PACRG: variants seen among roughly 807,000 people sequenced by gnomAD.
PACRG encodes parkin coregulated gene protein.
Under a neutral mutation model 29.7 loss-of-function variants are expected in PACRG, and 29 were observed. That is an observed-to-expected ratio of 0.98 (90% confidence interval 0.73 to 1.33). The LOEUF is 1.33. Ranked by LOEUF, PACRG falls within the 40% of genes most tolerant of loss-of-function variation. PACRG has a pLI of 0.00. For missense variants in PACRG, 279 were observed against 316.2 expected (o/e 0.88, Z 0.89); for synonymous variants, 116 against 118.7 (o/e 0.98, Z 0.15).
intron 3 of PACRG, among the ~76,000 whole-genome samples, chr6:163,069,012 A>G (rs1811805063): frequency 6.6e-6 from 1 of 152,118 alleles, no homozygotes; most frequent in Admixed American, 6.5e-5. Context: ...AACAGGTAAT[A>G]TACTGGCTAA....
At chr6:162,815,074 T>G (rs1207558323) in intron 2 of PACRG, among the ~76,000 whole-genome samples, 1 of 152,156 alleles carries the variant, frequency 6.6e-6, no homozygotes, top group Non-Finnish European at 1.5e-5. Flanking sequence ...ATCAAAGACT[T>G]TGCTTTTGGT....
intron 4 of PACRG, among the ~76,000 whole-genome samples, chr6:163,282,460 C>T (rs1051321498): frequency 6.6e-6 from 1 of 152,154 alleles, no homozygotes; most frequent in Non-Finnish European, 1.5e-5. Context: ...CCTGTAATCC[C>T]AGTACTTTGG....
chr6:163,203,617 G>C (rs1025695517), intron 4 of PACRG, among the ~76,000 whole-genome samples: 1 of 152,196 alleles, frequency 6.6e-6, no homozygotes, highest in Non-Finnish European at 1.5e-5. Context: ...CGCTGGCAGG[G>C]CCCTGAAGGA....
intron 2 of PACRG, chr6:163,052,095 GA>G (rs775403106): frequency 1.3e-5 from 2 of 152,050 alleles, no homozygotes; most frequent in African/African-American, 4.8e-5. Flanking sequence ...ACACGTATTT[GA>G]AAAATAATAG....
At chr6:162,873,845 C>T (rs1793033405) in intron 2 of PACRG, among the ~76,000 whole-genome samples, 1 of 152,082 alleles carries the variant, frequency 6.6e-6, no homozygotes. Context: ...ATAAGATTAG[C>T]CAGTACATTT....
chr6:163,169,544 G>T (rs1338398818), intron 4 of PACRG, among the ~76,000 whole-genome samples: 1 of 152,220 alleles, frequency 6.6e-6, no homozygotes, highest in Non-Finnish European at 1.5e-5. Context: ...GTTGTTGCGG[G>T]TGTGGAACTG....
intron 1 of PACRG, among the ~76,000 whole-genome samples, chr6:162,781,344 C>A (rs1784078410): frequency 6.6e-6 from 1 of 151,828 alleles, no homozygotes; most frequent in Non-Finnish European, 1.5e-5. Flanking sequence ...AAAACAAATT[C>A]TCACCAGCAG....
At chr6:163,233,227 T>A (rs6455879) in intron 4 of PACRG, among the ~76,000 whole-genome samples, 2 of 152,092 alleles carry the variant, frequency 1.3e-5, no homozygotes, top group Non-Finnish European at 2.9e-5. Flanking sequence ...TACATCTCTG[T>A]TAGGAGATTT....
At chr6:163,102,556 A>C (rs563970953) in intron 4 of PACRG, among the ~76,000 whole-genome samples, 1 of 152,150 alleles carries the variant, frequency 6.6e-6, no homozygotes, top group South Asian at 2.1e-4. Flanking sequence ...TGAAATTTCT[A>C]AGAGTATTTT....
At chr6:162,841,537 A>G (rs1789769083) in intron 2 of PACRG, among the ~76,000 whole-genome samples, 1 of 152,042 alleles carries the variant, frequency 6.6e-6, no homozygotes, top group East Asian at 1.9e-4. Flanking sequence ...TGAACCTTTC[A>G]AAAAACCAGC....
chr6:163,062,061 T>C, intron 2 of PACRG, 89 bp from the exon 3 acceptor site: 2 of 1,386,914 alleles, frequency 1.4e-6, no homozygotes, highest in South Asian at 2.7e-5. Flanking sequence ...AGCGTGCCCC[T>C]CTGGAGTGGG....
intron 2 of PACRG, among the ~76,000 whole-genome samples, chr6:163,031,896 T>C (rs1175992787): frequency 2.6e-5 from 4 of 152,164 alleles, no homozygotes; most frequent in African/African-American, 4.8e-5. Flanking sequence ...TGAGGCCAGT[T>C]TTCCAAACAG....
At chr6:163,179,187 G>C (rs1465496038) in intron 4 of PACRG, 1 of 455,950 alleles carries the variant, frequency 2.2e-6, no homozygotes, top group East Asian at 7.0e-5. Flanking sequence ...GATGTCCGCT[G>C]CTCCTCACAT....
chr6:163,048,242 C>T (rs1585087566), intron 2 of PACRG, among the ~76,000 whole-genome samples: 1 of 152,154 alleles, frequency 6.6e-6, no homozygotes, highest in African/African-American at 2.4e-5. Context: ...TAACTTTCTT[C>T]TTATCTCCTT....
intron 2 of PACRG, among the ~76,000 whole-genome samples, chr6:162,817,282 C>G (rs1335234826): frequency 2.0e-5 from 3 of 152,148 alleles, no homozygotes; most frequent in African/African-American, 4.8e-5. Flanking sequence ...GGTTAGGAAC[C>G]ATTGTGTGTT....
chr6:162,844,065 T>C (rs1412501392), intron 2 of PACRG, among the ~76,000 whole-genome samples: 1 of 140,846 alleles, frequency 7.1e-6, no homozygotes, highest in African/African-American at 2.7e-5. Context: ...GTCTGTGCCC[T>C]GCCCCCAGAG....
At chr6:162,774,984 C>T (rs893328705) in intron 1 of PACRG, among the ~76,000 whole-genome samples, 3 of 152,140 alleles carry the variant, frequency 2.0e-5, no homozygotes, top group African/African-American at 7.2e-5. Context: ...CAACGATGGC[C>T]TCAGTGTTTA....
chr6:162,949,125 A>T (rs1217005597), intron 2 of PACRG, among the ~76,000 whole-genome samples: 1 of 152,188 alleles, frequency 6.6e-6, no homozygotes, highest in Non-Finnish European at 1.5e-5. Flanking sequence ...AATGCATTTT[A>T]AAAATGTAGT....
At chr6:162,760,070 A>G (rs1782225920) in intron 1 of PACRG, among the ~76,000 whole-genome samples, 1 of 152,170 alleles carries the variant, frequency 6.6e-6, no homozygotes, top group South Asian at 2.1e-4. Context: ...GATTTGAGGC[A>G]AAGGAGGGAG....
Sources: allele counts gnomAD v4.1 joint callset (sites outside exome capture counted in the v4.1 genomes callset), GRCh38; gene constraint gnomAD v4.1.1; transcripts MANE v1.5; gene names NCBI Gene and HGNC (gene_info 2026-07-23, HGNC 2026-07-21).